Variants in DLGAP2 observed in about 807,000 individuals in gnomAD.
DLGAP2 encodes the protein disks large-associated protein 2.
DLGAP2 carries 26 observed loss-of-function variants against 100.3 expected under a neutral mutation model. The observed-to-expected ratio is 0.26, with a 90% CI of 0.19 to 0.36. The LOEUF is 0.36. Among genes scored for constraint, DLGAP2 ranks in the 10% least tolerant of loss-of-function variants. The pLI is 1.00. For synonymous variants in DLGAP2, 886 were observed against 630.1 expected, an observed-to-expected ratio of 1.41 and a Z score of -6.08; for missense variants, 1,858 against 1,453.2, an observed-to-expected ratio of 1.28 and a Z score of -4.53.
intron 3 of DLGAP2, among the ~76,000 whole-genome samples, chr8:1,390,368 CT>C (rs561207272): frequency 0.011 from 1,710 of 151,722 alleles, 38 homozygotes; most frequent in African/African-American, 0.039. Flanking sequence ...TAAAATAATA[CT>C]TTTTTTTTCA....
intron 6 of DLGAP2, among the ~76,000 whole-genome samples, chr8:1,568,871 AG>A (rs1802534694): frequency 1.4e-5 from 1 of 73,552 alleles, no homozygotes; most frequent in Non-Finnish European, 3.0e-5. Flanking sequence ...TCCACTCAGC[AG>A]ACACAAATCC....
chr8:1,105,618 G>GT lies in DLGAP2; in HGVS notation c.74-153219dup, dbSNP rs36027314. ...TTCTATTGAAGGGAGCCATTCTAGGGTTTTTTTTTTTTTTACTGAAGGGAG... is the reference window on the plus strand; with the variant it reads ...TTCTATTGAAGGGAGCCATTCTAGGGTTTTTTTTTTTTTTTACTGAAGGGAG... On this transcript the variant is annotated intron_variant, in intron 2 of 14. Transcript: ENST00000637795. 2.2e-3 allele frequency among the ~76,000 whole-genome samples: 303 copies of GT among 140,260 alleles called. 1 individual carries two copies. The highest frequency in any genetic ancestry group is 7.6e-3 in the Middle Eastern group (2 of 262). The allele number at this position is 140,260 out of a possible 152,430, so 92.0% of individuals were successfully genotyped here.
At chr8:1,589,518 C>G (rs997110692) in intron 6 of DLGAP2, among the ~76,000 whole-genome samples, 1 of 152,196 alleles carries the variant, frequency 6.6e-6, no homozygotes, top group Non-Finnish European at 1.5e-5. Context: ...CTCCCTGCAG[C>G]CTCAACCTCC....
At chr8:1,508,169 C>T (rs569072480) in intron 4 of DLGAP2, among the ~76,000 whole-genome samples, 1 of 151,822 alleles carries the variant, frequency 6.6e-6, no homozygotes, top group Non-Finnish European at 1.5e-5. Flanking sequence ...GATGCCAGGG[C>T]TTTTCATCTG....
At chr8:1,058,134 G>T (rs1351514957) in intron 2 of DLGAP2, among the ~76,000 whole-genome samples, 1 of 152,148 alleles carries the variant, frequency 6.6e-6, no homozygotes, top group Non-Finnish European at 1.5e-5. Flanking sequence ...TTCCCACAGG[G>T]GGCTTGGCTG....
In DLGAP2 at chr8:1,671,320, AG is replaced by A. The variant is rs1251107684; in HGVS notation, c.2202+1537del. Among the ~76,000 whole-genome samples the A allele has an allele frequency of 2.0e-5, 3 of 152,268 alleles. No homozygotes were observed. The South Asian group carries it at 6.2e-4, about 32-fold the overall frequency. The stretch of plus-strand genomic sequence containing the variant: ...CTGCAGCTCATAGACAAAGCTGGCT[AG>A]CCCGTGTTCCACCAGCATTCAATGG... On this transcript the variant is annotated intron_variant, in intron 10 of 14. Coordinates refer to ENST00000637795, the MANE Select transcript of DLGAP2 (RefSeq NM_001346810.2).
At chr8:1,416,442 T>C (rs1264215029) in intron 3 of DLGAP2, among the ~76,000 whole-genome samples, 1 of 152,240 alleles carries the variant, frequency 6.6e-6, no homozygotes, top group Non-Finnish European at 1.5e-5. Context: ...TAAATGTGTC[T>C]GATCCTCAGA....
intron 3 of DLGAP2, among the ~76,000 whole-genome samples, chr8:1,313,728 G>T (rs1800665005): frequency 6.6e-6 from 1 of 152,140 alleles, no homozygotes; most frequent in South Asian, 2.1e-4. Context: ...GTCACAGACT[G>T]GAAAAGGTCA....
intron 3 of DLGAP2, among the ~76,000 whole-genome samples, chr8:1,306,628 C>T (rs573482178): frequency 6.6e-6 from 1 of 151,604 alleles, no homozygotes; most frequent in African/African-American, 2.4e-5. Context: ...CTCACACTTC[C>T]TGATTTCAAA....
chr8:1,636,570 A>G (rs532245382), intron 8 of DLGAP2, among the ~76,000 whole-genome samples: 1 of 152,338 alleles, frequency 6.6e-6, no homozygotes, highest in Non-Finnish European at 1.5e-5. Context: ...CTCAGTTTGA[A>G]TAAATATGAC....
chr8:1,653,335 C>A (rs1798210214), intron 8 of DLGAP2, among the ~76,000 whole-genome samples: 1 of 152,324 alleles, frequency 6.6e-6, no homozygotes, highest in African/African-American at 2.4e-5. Flanking sequence ...TCACCCCGCT[C>A]ACGGGGAGGC....
intron 1 of DLGAP2, among the ~76,000 whole-genome samples, chr8:782,094 A>G (rs1055495715): frequency 2.6e-5 from 4 of 152,332 alleles, no homozygotes; most frequent in East Asian, 1.9e-4. Context: ...TCTAGCATAA[A>G]GAAAAGATGA....
intron 1 of DLGAP2, among the ~76,000 whole-genome samples, chr8:883,771 C>G (rs1204694914): frequency 1.3e-5 from 2 of 152,166 alleles, no homozygotes; most frequent in Admixed American, 6.5e-5. Context: ...ATTAACCCAT[C>G]CTGTAAGTTT....
chr8:1,290,978 T>G (rs933666366), intron 3 of DLGAP2, among the ~76,000 whole-genome samples: 1 of 152,116 alleles, frequency 6.6e-6, no homozygotes, highest in African/African-American at 2.4e-5. Flanking sequence ...CCACAGAACT[T>G]TTTCTAGTAG....
intron 3 of DLGAP2, among the ~76,000 whole-genome samples, chr8:1,322,610 C>T (rs1265528630): frequency 6.6e-6 from 1 of 152,154 alleles, no homozygotes. Context: ...ACCTGGCGTG[C>T]TGTCTCCTGC....
At chr8:1,641,684 G>C (rs972650206) in intron 8 of DLGAP2, among the ~76,000 whole-genome samples, 4 of 152,234 alleles carry the variant, frequency 2.6e-5, no homozygotes, top group East Asian at 1.9e-4. Context: ...CCACATTGTT[G>C]TCCTAAGAGT....
At chr8:1,288,430 A>AGTGT (rs1239357278) in intron 3 of DLGAP2, among the ~76,000 whole-genome samples, 9 of 105,558 alleles carry the variant, frequency 8.5e-5, no homozygotes, top group Non-Finnish European at 1.5e-4. Context: ...GTTTTGGTTC[A>AGTGT]GTGTGTGTGT....
chr8:973,951 C>T (rs1032339184), intron 2 of DLGAP2, among the ~76,000 whole-genome samples: 6 of 151,414 alleles, frequency 4.0e-5, no homozygotes, highest in African/African-American at 7.3e-5. Context: ...GCAAGCTGCG[C>T]GCGCAGACCG....
rs1801735313 is a variant in DLGAP2 at position 1,550,682 on chromosome 8, G to A, written c.1230+999G>A. ...ATTTACCAAAGGCAAAAACAAAGAA[G>A]GTAGATCCCTAGAGCTGGCATATTG... On this transcript the variant is annotated intron_variant, in intron 5 of 14. Coordinates refer to ENST00000637795, the MANE Select transcript of DLGAP2 (RefSeq NM_001346810.2). Among the ~76,000 whole-genome samples, 4 of 152,180 alleles carry A rather than the reference G, an allele frequency of 2.6e-5. No homozygotes were observed. The South Asian group carries it at 8.3e-4, about 31-fold the overall frequency.
Sources: allele counts gnomAD v4.1 joint callset (sites outside exome capture counted in the v4.1 genomes callset), GRCh38; gene constraint gnomAD v4.1.1; transcripts MANE v1.5; gene names NCBI Gene and HGNC (gene_info 2026-07-23, HGNC 2026-07-21).